SLC9A3: variants seen among roughly 807,000 people sequenced by gnomAD.
The protein encoded by SLC9A3 is sodium/hydrogen exchanger 3.
SLC9A3 carries 37 observed loss-of-function variants against 86.8 expected under a neutral mutation model. The observed-to-expected ratio is 0.43, with a 90% CI of 0.33 to 0.56. The LOEUF is 0.56. Ranked by LOEUF, SLC9A3 falls within the 20% of genes least tolerant of loss-of-function variation. The pLI is 0.06. For synonymous variants in SLC9A3, 581 were observed against 528.3 expected (o/e 1.10, Z -1.37); for missense variants, 1,011 against 1,171.9 (o/e 0.86, Z 2.00).
chr5:513,659 C>G (rs1223947989), intron 1 of SLC9A3, among the ~76,000 whole-genome samples: 1 of 152,194 alleles, frequency 6.6e-6, no homozygotes, highest in Non-Finnish European at 1.5e-5. Context: ...ACACATGCCA[C>G]CTCCATGGGA....
At position 482,170 on chromosome 5, in the gene SLC9A3, G is replaced by T. The variant is rs1040770176; in HGVS notation, c.1357-13C>A. The T allele has an allele frequency of 1.3e-6, 2 of 1,598,084 alleles. No homozygotes were observed. Among genetic ancestry groups the T allele is most frequent in the Admixed American group, 1.7e-5 (1 of 59,758 alleles). On this transcript the variant is annotated splice_polypyrimidine_tract_variant and intron_variant, in intron 7 of 16. Coordinates refer to ENST00000264938, the MANE Select transcript of SLC9A3 (RefSeq NM_004174.4). ...TGATGGTCAGGCCCTGGAGGACAGG[G>T]TCTCGTGACCCTGGTGCCAGGCAGC...
rs1739725602 is a variant in SLC9A3, at chr5:491,298, C to T, written c.514+471G>A. Among the ~76,000 whole-genome samples the T allele has an allele frequency of 6.6e-6, 1 of 152,168 alleles. No homozygotes were observed. Among genetic ancestry groups the T allele is most frequent in the Non-Finnish European group, 1.5e-5 (1 of 68,016 alleles). ...TCTGGGTCCGGGGCGGGAGGCAGTGCCCGAGAGATGAAGCATCCAAGACCA... is the reference window on the plus strand; with the variant it reads ...TCTGGGTCCGGGGCGGGAGGCAGTGTCCGAGAGATGAAGCATCCAAGACCA... On this transcript the variant is annotated intron_variant, in intron 2 of 16. Transcript: ENST00000264938. The surrounding 1 kb of genome is among the most constrained non-coding windows in gnomAD (Gnocchi z 9.2).
At chr5:492,681 C>T (rs1410529319) in intron 1 of SLC9A3, among the ~76,000 whole-genome samples, 3 of 152,018 alleles carry the variant, frequency 2.0e-5, no homozygotes, top group South Asian at 2.1e-4. Flanking sequence ...TCTGACCTGC[C>T]GCCCCACCGC....
Position 496,597 on chromosome 5 carries a change from C to T in SLC9A3, c.212-4526G>A, listed in dbSNP as rs1476891759. Among the ~76,000 whole-genome samples the T allele has an allele frequency of 1.3e-5, 2 of 152,210 alleles. No individual in the cohort carries two copies. Among genetic ancestry groups the T allele is most frequent in the African/African-American group, 4.8e-5 (2 of 41,452 alleles). On this transcript the variant is annotated intron_variant, in intron 1 of 16. Transcript: ENST00000264938. The surrounding 1 kb of genome is among the most constrained non-coding windows in gnomAD (Gnocchi z 4.7). ...CTCATCTTTCCACTTTGTCTTCTGT[C>T]ATTTTGCTCCATGCGAACGTCTTTT...
chr5:498,546 C>T lies in SLC9A3; in HGVS notation c.212-6475G>A, dbSNP rs190884901. Reference sequence around the variant, plus strand: ...GCCTCTGAGTAGCTGGGATTACAGGCGTGCGCCACCATGCCCAGCAAATTT... The same window carrying T: ...GCCTCTGAGTAGCTGGGATTACAGGTGTGCGCCACCATGCCCAGCAAATTT... On this transcript the variant is annotated intron_variant, in intron 1 of 16. Transcript: ENST00000264938. 1.6e-4 allele frequency among the ~76,000 whole-genome samples: 25 copies of T among 152,324 alleles called. No individual in the cohort carries two copies. In the East Asian group the frequency reaches 4.3e-3, roughly 26 times the overall value.
chr5:522,756 G>GA (rs927046344), intron 1 of SLC9A3, among the ~76,000 whole-genome samples: 32 of 144,492 alleles, frequency 2.2e-4, no homozygotes, highest in East Asian at 1.0e-3. Context: ...AAAAAAAAAA[G>GA]AAAAAAAAAG....
At chr5:517,746 CCCATCCAT>C (rs201429949) in intron 1 of SLC9A3, among the ~76,000 whole-genome samples, 1 of 149,586 alleles carries the variant, frequency 6.7e-6, no homozygotes, top group African/African-American at 2.5e-5. Flanking sequence ...CATCCATTCA[CCCATCCAT>C]CCATCCATCC....
At chr5:473,822 G>A (rs1738540309) in intron 16 of SLC9A3, among the ~76,000 whole-genome samples, 1 of 152,236 alleles carries the variant, frequency 6.6e-6, no homozygotes, top group African/African-American at 2.4e-5. Flanking sequence ...GCAGAGTCCG[G>A]GTCTGCGGGG....
chr5:519,020 G>C (rs528886506), intron 1 of SLC9A3, among the ~76,000 whole-genome samples: 1 of 152,128 alleles, frequency 6.6e-6, no homozygotes, highest in Non-Finnish European at 1.5e-5. Context: ...AGCTCCAAAC[G>C]CCATGGATTG....
chr5:475,506 T>G (rs1560948062), intron 15 of SLC9A3, 55 bp downstream of exon 15: 3 of 1,053,618 alleles, frequency 2.8e-6, no homozygotes, highest in East Asian at 5.2e-5. Context: ...AGCTCCCTCC[T>G]GGGGCGGCAG....
At chr5:515,096 A>G (rs1297519698) in intron 1 of SLC9A3, among the ~76,000 whole-genome samples, 1 of 152,010 alleles carries the variant, frequency 6.6e-6, no homozygotes, top group Non-Finnish European at 1.5e-5. Context: ...TTCCATGGGG[A>G]GACATGGGGA....
intron 1 of SLC9A3, among the ~76,000 whole-genome samples, chr5:502,007 C>CA (rs148166275): frequency 1.4e-4 from 21 of 152,392 alleles, no homozygotes; most frequent in African/African-American, 4.1e-4. Context: ...CCAAGAACAA[C>CA]AGCCCGTTCA....
chr5:511,279 G>A lies in SLC9A3; in HGVS notation c.211+12833C>T, dbSNP rs555874182. Among the ~76,000 whole-genome samples the A allele has an allele frequency of 7.2e-5, 11 of 152,266 alleles. No individual in the cohort carries two copies. In the South Asian group the frequency reaches 2.3e-3, roughly 32 times the overall value. On this transcript the variant is annotated intron_variant, in intron 1 of 16. Coordinates refer to ENST00000264938, the MANE Select transcript of SLC9A3 (RefSeq NM_004174.4). ...GAAAAGCTACATAACCTTGGGTTTG[G>A]TGATGAATTTTTAGATCAACACCAA...
chr5:504,619 C>G (rs1740461758), intron 1 of SLC9A3, among the ~76,000 whole-genome samples: 1 of 152,232 alleles, frequency 6.6e-6, no homozygotes, highest in Non-Finnish European at 1.5e-5. Flanking sequence ...GCCCAGAGGG[C>G]TCGGGGTGGG....
At chr5:503,044 G>A (rs934965525) in intron 1 of SLC9A3, among the ~76,000 whole-genome samples, 18 of 152,146 alleles carry the variant, frequency 1.2e-4, no homozygotes, top group Non-Finnish European at 2.1e-4. Flanking sequence ...CCGGCCCACG[G>A]GCTGTAGTTT....
Position 501,855 on chromosome 5 carries a change from C to T in SLC9A3, c.212-9784G>A, listed in dbSNP as rs111269064. ...GCGTGACCCCACGCGTCCCTGCCTG[C>T]GGGTGCAGTTCCCCGTGAGTACTCA... On this transcript the variant is annotated intron_variant, in intron 1 of 16. Coordinates refer to ENST00000264938, the MANE Select transcript of SLC9A3 (RefSeq NM_004174.4). 2.1e-3 allele frequency among the ~76,000 whole-genome samples: 317 copies of T among 152,106 alleles called. 8 individuals are homozygous for T. The highest frequency in any genetic ancestry group is 0.018 in the Admixed American group (272 of 15,296).
chr5:506,497 C>T (rs1297249929), intron 1 of SLC9A3, among the ~76,000 whole-genome samples: 1 of 152,216 alleles, frequency 6.6e-6, no homozygotes, highest in Non-Finnish European at 1.5e-5. Flanking sequence ...TGGGGCCACC[C>T]TGCCAAGCGG....
At chr5:517,096 C>T (rs1381077532) in intron 1 of SLC9A3, among the ~76,000 whole-genome samples, 1 of 151,744 alleles carries the variant, frequency 6.6e-6, no homozygotes, top group African/African-American at 2.4e-5. Context: ...TCCATCCACT[C>T]ATCCATCCAT....
intron 1 of SLC9A3, among the ~76,000 whole-genome samples, chr5:512,542 G>C (rs1733585094): frequency 6.6e-6 from 1 of 151,966 alleles, no homozygotes; most frequent in Non-Finnish European, 1.5e-5. Context: ...GCTAAACTAT[G>C]ACAAATGTAT....
Sources: gnomAD v4.1 joint callset for allele counts (sites outside exome capture counted in the v4.1 genomes callset) on GRCh38, gnomAD v4.1.1 for gene constraint, Gnocchi (gnomAD v3.1) non-coding constraint, MANE v1.5 for transcripts, NCBI Gene and HGNC (gene_info 2026-07-23, HGNC 2026-07-21) for gene names.